Variants in NAALADL2 observed in about 807,000 individuals in gnomAD.
NAALADL2 encodes the protein N-acetylated alpha-linked acidic dipeptidase like 2.
NAALADL2 carries 76 observed loss-of-function variants against 87.2 expected under a neutral mutation model. That is an observed-to-expected ratio of 0.87 (90% CI 0.72 to 1.05). NAALADL2 has a LOEUF of 1.05. Ranked by LOEUF, NAALADL2 falls within the 50% of genes least tolerant of loss-of-function variation. NAALADL2 has a pLI of 0.00. For synonymous variants in NAALADL2, 354 were observed against 331.0 expected (o/e 1.07, Z -0.75); for missense variants, 1,089 against 945.8 (o/e 1.15, Z -1.99).
At chr3:175,650,868 C>T (rs1000916974) in intron 11 of NAALADL2, among the ~76,000 whole-genome samples, 3 of 152,178 alleles carry the variant, frequency 2.0e-5, no homozygotes, top group East Asian at 1.9e-4. Context: ...ATAACCCAAA[C>T]CGCCTCACCA....
At chr3:175,800,784 A>G (rs1754052716) in intron 13 of NAALADL2, among the ~76,000 whole-genome samples, 1 of 152,186 alleles carries the variant, frequency 6.6e-6, no homozygotes, top group African/African-American at 2.4e-5. Context: ...ACAGCACTGA[A>G]TTAGACTTGA....
At chr3:175,519,571 G>C (rs1732340623) in intron 9 of NAALADL2, among the ~76,000 whole-genome samples, 1 of 152,102 alleles carries the variant, frequency 6.6e-6, no homozygotes, top group Non-Finnish European at 1.5e-5. Flanking sequence ...TATATTTATT[G>C]AGTTAATAAA....
In NAALADL2 at chr3:174,563,547, C is replaced by A. The variant is rs1247284494; in HGVS notation, c.-115+12910C>A. On this transcript the variant is annotated intron_variant, in intron 2 of 3. Transcript: ENST00000434257. ...ACTTAAGACTAATATAGCATTTAAACTTACAATGTCATTCTAGATACTAAG... is the reference window on the plus strand; with the variant it reads ...ACTTAAGACTAATATAGCATTTAAAATTACAATGTCATTCTAGATACTAAG... Among the ~76,000 whole-genome samples the A allele has an allele frequency of 2.6e-5, 4 of 151,032 alleles. No individual in the cohort carries two copies. The Admixed American group carries it at 2.6e-4, about 10-fold the overall frequency.
chr3:175,024,298 CTGTT>C, intron 1 of NAALADL2, among the ~76,000 whole-genome samples: 1 of 152,124 alleles, frequency 6.6e-6, no homozygotes, highest in Middle Eastern at 3.4e-3. Context: ...TTATGAATGT[CTGTT>C]TGTGCTTTGT....
intron 3 of NAALADL2, among the ~76,000 whole-genome samples, chr3:175,254,130 A>C (rs563843766): frequency 9.8e-5 from 15 of 152,306 alleles, no homozygotes; most frequent in African/African-American, 3.6e-4. Context: ...ATCAAACAGC[A>C]TGTCATGAGA....
intron 13 of NAALADL2, among the ~76,000 whole-genome samples, chr3:175,787,041 G>T (rs1306055284): frequency 6.6e-6 from 1 of 151,928 alleles, no homozygotes; most frequent in Non-Finnish European, 1.5e-5. Flanking sequence ...AGGGGTCAGG[G>T]ACCCACTTGA....
rs1041129998 is a variant in NAALADL2 at position 175,152,671 on chromosome 3, C to T, written c.545+55380C>T. On this transcript the variant is annotated intron_variant, in intron 2 of 13. Coordinates refer to ENST00000454872, the MANE Select transcript of NAALADL2 (RefSeq NM_207015.3). The stretch of plus-strand genomic sequence containing the variant: ...CAGTAATCCCAGCACTTTGGGATGT[C>T]GAGGCAGGTGAGTCACCTGAGGTCA... 1.4e-4 allele frequency among the ~76,000 whole-genome samples: 21 copies of T among 152,112 alleles called. 1 individual carries two copies. The highest frequency in any genetic ancestry group is 9.2e-4 in the Admixed American group (14 of 15,260).
At chr3:175,703,625 C>A (rs1380677808) in intron 11 of NAALADL2, among the ~76,000 whole-genome samples, 1 of 152,158 alleles carries the variant, frequency 6.6e-6, no homozygotes, top group African/African-American at 2.4e-5. Flanking sequence ...CACCTGTAAT[C>A]CCAGCTACTC....
At chr3:175,786,664 A>G (rs6771247) in intron 13 of NAALADL2, among the ~76,000 whole-genome samples, 4,772 of 152,144 alleles carry the variant, frequency 0.031, 248 homozygotes, top group African/African-American at 0.11. Flanking sequence ...CGTAGCTCAG[A>G]GTAATTTGAT....
chr3:175,303,154 T>G (rs541604065), intron 4 of NAALADL2, among the ~76,000 whole-genome samples: 116 of 152,232 alleles, frequency 7.6e-4, no homozygotes, highest in Admixed American at 2.6e-3. Context: ...TGTTTGTGTT[T>G]TTTCAGCCCC....
At chr3:174,441,675 A>G (rs942965840) in intron 1 of NAALADL2, among the ~76,000 whole-genome samples, 1 of 150,544 alleles carries the variant, frequency 6.6e-6, no homozygotes, top group African/African-American at 2.5e-5. Flanking sequence ...TTTGCCCTAC[A>G]GTTGCATTGC....
rs763108618 is a variant in NAALADL2 at position 175,627,369 on chromosome 3, C to T, written c.1879C>T (p.His627Tyr). 16 of 1,558,240 alleles carry T rather than the reference C, an allele frequency of 1.0e-5. No individual in the cohort carries two copies. The highest frequency in any genetic ancestry group is 8.7e-7 in the Non-Finnish European group (1 of 1,148,186). The change falls in exon 11 of 14, where the codon CAT becomes TAT. Residue 627 changes from histidine (H) to tyrosine (Y), a missense_variant. By Grantham distance (83) the His-to-Tyr change is moderately conservative (BLOSUM62 2). Transcript: ENST00000454872. ...IEEMDPSFNL[H>Y]ETITKLSGEV... ...AGAAATGGATCCCTCTTTCAACCTT[C>T]ATGAAACCATTACTAAGGTAGGGGA...
At chr3:175,138,600 A>G (rs1295472058) in intron 2 of NAALADL2, among the ~76,000 whole-genome samples, 1 of 150,248 alleles carries the variant, frequency 6.7e-6, no homozygotes, top group East Asian at 1.9e-4. Flanking sequence ...TGCTTTACAG[A>G]GTATTTATTA....
intron 1 of NAALADL2, among the ~76,000 whole-genome samples, chr3:174,457,225 A>G (rs1715899672): frequency 6.6e-6 from 1 of 152,166 alleles, no homozygotes; most frequent in African/African-American, 2.4e-5. Context: ...GAAGTTGTGG[A>G]GGAAAAGGAA....
intron 2 of NAALADL2, among the ~76,000 whole-genome samples, chr3:175,189,655 C>T (rs1249094528): frequency 2.0e-5 from 3 of 152,084 alleles, no homozygotes; most frequent in Non-Finnish European, 4.4e-5. Context: ...AGACAATACA[C>T]AGATTCAGTG....
At chr3:174,842,389 T>C (rs1322357021) in intron 3 of NAALADL2, among the ~76,000 whole-genome samples, 1 of 152,182 alleles carries the variant, frequency 6.6e-6, no homozygotes, top group Non-Finnish European at 1.5e-5. Flanking sequence ...AGGTGTTGCT[T>C]ACATGGCTAT....
At chr3:175,118,122 G>A (rs58017504) in intron 2 of NAALADL2, among the ~76,000 whole-genome samples, 1 of 151,192 alleles carries the variant, frequency 6.6e-6, no homozygotes, top group Non-Finnish European at 1.5e-5. Flanking sequence ...TCGTAGGGTG[G>A]GGGGGAGGCC....
intron 11 of NAALADL2, chr3:175,718,222 T>TTTGTTTTTTTTGTG: frequency 2.9e-6 from 3 of 1,051,558 alleles, no homozygotes; most frequent in East Asian, 2.5e-5. Context: ...TTTTTTTTTT[T>TTTGTTTTTTTTGTG]TGATTAGTTG....
chr3:174,555,869 G>A (rs979146537), intron 2 of NAALADL2, among the ~76,000 whole-genome samples: 3 of 151,882 alleles, frequency 2.0e-5, no homozygotes, highest in African/African-American at 7.3e-5. Flanking sequence ...TCCTGTTTCC[G>A]CTATTTTCTC....
Sources: allele counts gnomAD v4.1 joint callset (sites outside exome capture counted in the v4.1 genomes callset), GRCh38; gene constraint gnomAD v4.1.1; transcripts MANE v1.5; gene names NCBI Gene and HGNC (gene_info 2026-07-23, HGNC 2026-07-21).